The following CELF6 variants were observed in gnomAD, a reference collection of about 807,000 sequenced individuals.
CELF6 encodes CUGBP Elav-like family member 6, also known as Bruno -like 6, RNA binding protein.
Under a neutral mutation model 53.1 loss-of-function variants are expected in CELF6, and 32 were observed. That is an observed-to-expected ratio of 0.60 (90% CI 0.46 to 0.81). The LOEUF is 0.81. Ranked by LOEUF, CELF6 falls within the 30% of genes least tolerant of loss-of-function variation. The pLI is 0.00. For synonymous variants in CELF6, 291 were observed against 288.8 expected, an observed-to-expected ratio of 1.01 and a Z score of -0.08; for missense variants, 539 against 669.5, an observed-to-expected ratio of 0.81 and a Z score of 2.15.
chr15:72,318,173 TC>T (rs1402722811), intron 1 of CELF6, among the ~76,000 whole-genome samples: 1 of 152,130 alleles, frequency 6.6e-6, no homozygotes, highest in African/African-American at 2.4e-5. Flanking sequence ...TTAGAAGGAC[TC>T]TAGATGGTGA....
At chr15:72,295,702 G>A (rs1488337579) in intron 3 of CELF6, among the ~76,000 whole-genome samples, 1 of 149,164 alleles carries the variant, frequency 6.7e-6, no homozygotes, top group East Asian at 2.0e-4. Flanking sequence ...CTCCAGCCTG[G>A]GTGATAGTGC....
At chr15:72,311,549 C>T (rs1212856876) in intron 2 of CELF6, among the ~76,000 whole-genome samples, 2 of 151,222 alleles carry the variant, frequency 1.3e-5, no homozygotes, top group South Asian at 4.2e-4. Context: ...ACTACAGGCG[C>T]TCGCCATCAC....
At chr15:72,309,259 T>G (rs1315230783) in intron 2 of CELF6, among the ~76,000 whole-genome samples, 1 of 152,128 alleles carries the variant, frequency 6.6e-6, no homozygotes, top group African/African-American at 2.4e-5. Flanking sequence ...TTTTGTCTTA[T>G]GAAGGATCCC....
intron 3 of CELF6, among the ~76,000 whole-genome samples, chr15:72,298,780 A>G: frequency 6.6e-6 from 1 of 152,244 alleles, no homozygotes; most frequent in East Asian, 1.9e-4. Context: ...TAGAGAAAAT[A>G]TAAGTGAGGA....
intron 2 of CELF6, among the ~76,000 whole-genome samples, chr15:72,307,706 A>AT (rs1361519608): frequency 6.6e-6 from 1 of 152,214 alleles, no homozygotes. Flanking sequence ...TGCTGCTCAA[A>AT]TCCATTCTTA....
At chr15:72,299,994 G>T (rs2088131252) in intron 3 of CELF6, among the ~76,000 whole-genome samples, 2 of 152,194 alleles carry the variant, frequency 1.3e-5, no homozygotes, top group South Asian at 4.1e-4. Context: ...GCAGATCCTG[G>T]TGTATTGCTA....
At chr15:72,316,878 T>C (rs1417727682) in intron 1 of CELF6, among the ~76,000 whole-genome samples, 1 of 152,118 alleles carries the variant, frequency 6.6e-6, no homozygotes, top group Non-Finnish European at 1.5e-5. Flanking sequence ...CTCATGGGGA[T>C]TAGACAAATC....
intron 2 of CELF6, among the ~76,000 whole-genome samples, chr15:72,307,709 C>T (rs576251595): frequency 6.6e-6 from 1 of 152,332 alleles, no homozygotes; most frequent in Admixed American, 6.5e-5. Flanking sequence ...TGCTCAAATC[C>T]ATTCTTAAGG....
intron 2 of CELF6, among the ~76,000 whole-genome samples, chr15:72,312,590 C>T (rs572271842): frequency 2.0e-5 from 3 of 152,288 alleles, no homozygotes; most frequent in African/African-American, 4.8e-5. Flanking sequence ...GATGGCACCA[C>T]TGCACTCCAG....
chr15:72,287,188 G>T (rs915214324), intron 12 of CELF6, 49 bp downstream of exon 12: 12 of 1,518,188 alleles, frequency 7.9e-6, no homozygotes, highest in Non-Finnish European at 9.8e-6. Context: ...AAAGCTGGGA[G>T]GGCCTCATCA....
In CELF6 at chr15:72,300,431, G is replaced by A. The variant is rs182038322; in HGVS notation, c.394+4315C>T. Among the ~76,000 whole-genome samples, 216 of 151,666 alleles carry A rather than the reference G, an allele frequency of 1.4e-3. 2 individuals carry two copies. The highest frequency in any genetic ancestry group is 4.9e-3 in the African/African-American group (204 of 41,358). On this transcript the variant is annotated intron_variant, in intron 3 of 12. Coordinates refer to ENST00000287202, the MANE Select transcript of CELF6 (RefSeq NM_052840.5). ...ATAAAAATCATAAAATATACAATAT[G>A]TATGTTGGTTATTTCAACCACAAAC...
rs1375236225 is a variant in CELF6, at chr15:72,319,901, G to C, written c.-27C>G. The C allele has an allele frequency of 3.5e-6, 5 of 1,437,822 alleles. No homozygotes were observed. The highest frequency in any genetic ancestry group is 4.5e-6 in the Non-Finnish European group (5 of 1,101,120). The allele number at this position is 1,437,822 out of a possible 1,614,324, so 89.1% of individuals were successfully genotyped here. On this transcript the variant is annotated 5_prime_UTR_variant, in exon 1 of 13. Transcript: ENST00000287202. This position sits in a 1 kb window ranked among gnomAD's most constrained non-coding sequence, Gnocchi z 5.0. ...TCCCCGCCCTGTCAGCCCTCCCGCC[G>C]GTCCCACTGGTCCCGCCTGTCCCGC...
intron 3 of CELF6, among the ~76,000 whole-genome samples, chr15:72,294,294 T>C (rs567504053): frequency 6.6e-6 from 1 of 152,198 alleles, no homozygotes; most frequent in South Asian, 2.1e-4. Flanking sequence ...AATGTAATGA[T>C]TGTAGGGACA....
chr15:72,291,604 A>T (rs1357060290), intron 3 of CELF6, among the ~76,000 whole-genome samples: 3 of 152,188 alleles, frequency 2.0e-5, no homozygotes, highest in African/African-American at 7.2e-5. Flanking sequence ...CAGCGAAGGA[A>T]GAACAGACTG....
rs1200090749 is a variant in CELF6 at position 72,301,739 on chromosome 15, T to TC, written c.394+3006_394+3007insG. Reference sequence around the variant, plus strand: ...AATACCATTTTAAAAAGTTGATTTTTTTTTTTTTTTTTTTTGAGACAGAGT... The same window carrying TC: ...AATACCATTTTAAAAAGTTGATTTTTCTTTTTTTTTTTTTTTGAGACAGAGT... On this transcript the variant is annotated intron_variant, in intron 3 of 12. Transcript: ENST00000287202. Among the ~76,000 whole-genome samples the TC allele has an allele frequency of 6.7e-5, 10 of 149,356 alleles. No individual in the cohort carries two copies. The East Asian group carries it at 1.8e-3, about 26-fold the overall frequency.
At chr15:72,292,349 C>A in intron 3 of CELF6, 1 of 938,526 alleles carries the variant, frequency 1.1e-6, no homozygotes. Context: ...GCTCATTTGG[C>A]CAGAGAATCA....
intron 2 of CELF6, chr15:72,306,251 C>T (rs755417407): frequency 2.7e-5 from 27 of 985,064 alleles, no homozygotes; most frequent in Non-Finnish European, 3.1e-5. Flanking sequence ...TGTTGGGGGG[C>T]AGGCAGCTGA....
rs762378807 is a variant in CELF6 at position 72,288,656 on chromosome 15, AGCCCT to A, written c.1094-43_1094-39del. 4.5e-6 allele frequency: 7 copies of A among 1,540,724 alleles called. No homozygotes were observed. Among genetic ancestry groups the A allele is most frequent in the Non-Finnish European group, 5.3e-6 (6 of 1,139,406 alleles). On this transcript the variant is annotated intron_variant, in intron 9 of 12. Coordinates refer to ENST00000287202, the MANE Select transcript of CELF6 (RefSeq NM_052840.5). The surrounding 1 kb of genome is among the most constrained non-coding windows in gnomAD (Gnocchi z 4.6). ...GTGGGAGTGGACAGTGATCCCCAGG[AGCCCT>A]TCCCCAAGCAGGGCCCCAACTGCCT...
At chr15:72,291,922 T>A (rs576401955) in intron 3 of CELF6, among the ~76,000 whole-genome samples, 5 of 152,312 alleles carry the variant, frequency 3.3e-5, no homozygotes, top group African/African-American at 1.2e-4. Context: ...CCAGTGACCT[T>A]CTGTGGTGAG....
Sources: allele counts gnomAD v4.1 joint callset (sites outside exome capture counted in the v4.1 genomes callset), GRCh38; gene constraint gnomAD v4.1.1; non-coding constraint Gnocchi (gnomAD v3.1); transcripts MANE v1.5; gene names NCBI Gene and HGNC (gene_info 2026-07-23, HGNC 2026-07-21).